The following OPHN1 variants were observed in gnomAD, a reference collection of about 807,000 sequenced individuals.
OPHN1 encodes oligophrenin-1.
A neutral mutation model predicts 60.7 loss-of-function variants in OPHN1; 11 were observed. The observed-to-expected ratio is 0.18, with a 90% CI of 0.11 to 0.30. The LOEUF (loss-of-function observed/expected upper bound fraction) is 0.30, where lower values mean the gene tolerates loss of function less well. Among genes scored for constraint, OPHN1 ranks in the 10% least tolerant of loss-of-function variants. The pLI, the probability that OPHN1 is intolerant of heterozygous loss-of-function variation, is 1.00. For missense variants in OPHN1, 449 were observed against 611.0 expected (o/e 0.73, Z 2.80); for synonymous variants, 226 against 222.6 (o/e 1.02, Z -0.14).
At chrX:68,194,548 A>G (rs1338622123) in intron 12 of OPHN1, 50 bp from the exon 13 acceptor site, 1 of 982,841 alleles carries the variant, frequency 1.0e-6, no homozygotes, top group South Asian at 1.9e-5. Context: ...CAATCAATAT[A>G]GGAAAACAGA....
chrX:68,208,440 G>A (rs1401816849), intron 9 of OPHN1, among the ~76,000 whole-genome samples: 3 of 111,511 alleles, frequency 2.7e-5, no homozygotes, highest in African/African-American at 9.8e-5. Flanking sequence ...TCAAGTTCTA[G>A]TTCAAATATC....
intron 5 of OPHN1, among the ~76,000 whole-genome samples, chrX:68,242,926 G>T (rs2077788496): frequency 9.0e-6 from 1 of 110,926 alleles, no homozygotes; most frequent in South Asian, 3.9e-4. Context: ...GGAGTGCAGT[G>T]GTGCGATCTT....
chrX:68,327,037 A>T (rs767968302), intron 2 of OPHN1, among the ~76,000 whole-genome samples: 5 of 41,237 alleles, frequency 1.2e-4, no homozygotes, highest in Non-Finnish European at 1.4e-4. Context: ...GGTGGGGGGA[A>T]CAGCCCCCGC....
chrX:68,302,328 G>A (rs2078125112), intron 2 of OPHN1, among the ~76,000 whole-genome samples: 1 of 111,931 alleles, frequency 8.9e-6, no homozygotes, highest in Admixed American at 9.5e-5. Context: ...AGTAGCTCAT[G>A]CCTATAATTA....
At chrX:68,264,813 C>T (rs1199036644) in intron 5 of OPHN1, among the ~76,000 whole-genome samples, 1 of 112,181 alleles carries the variant, frequency 8.9e-6, no homozygotes, top group East Asian at 2.8e-4. Flanking sequence ...CCTGGAAAAT[C>T]GGGTCACTCC....
chrX:68,268,801 G>T (rs745815363), intron 5 of OPHN1, among the ~76,000 whole-genome samples: 5 of 111,658 alleles, frequency 4.5e-5, no homozygotes, highest in Admixed American at 3.8e-4. Context: ...AAGTCAAATT[G>T]TCCCTGTTTG....
chrX:68,338,748 T>C (rs2078335967), intron 2 of OPHN1, among the ~76,000 whole-genome samples: 1 of 111,529 alleles, frequency 9.0e-6, no homozygotes, highest in Non-Finnish European at 1.9e-5. Flanking sequence ...AATGACAAAG[T>C]GGAATTTATG....
chrX:68,214,013 C>T (rs1337215955), intron 6 of OPHN1, 41 bp from the exon 7 acceptor site: 1 of 819,139 alleles, frequency 1.2e-6, no homozygotes, highest in African/African-American at 2.0e-5. Context: ...TTGGGATATT[C>T]ATTCATGAAA....
chrX:68,415,287 A>G (rs1401161708), intron 2 of OPHN1, among the ~76,000 whole-genome samples: 1 of 112,335 alleles, frequency 8.9e-6, no homozygotes, highest in African/African-American at 3.2e-5. Flanking sequence ...TATAACTGCC[A>G]TATTTTTTAA....
chrX:68,393,610 T>C (rs1359256173), intron 2 of OPHN1, among the ~76,000 whole-genome samples: 2 of 111,975 alleles, frequency 1.8e-5, no homozygotes, highest in African/African-American at 3.2e-5. Flanking sequence ...GTCAAACATA[T>C]CATCCTTTCC....
At chrX:68,170,192 C>A (rs1301976195) in intron 15 of OPHN1, among the ~76,000 whole-genome samples, 4 of 108,083 alleles carry the variant, frequency 3.7e-5, no homozygotes, top group African/African-American at 1.4e-4. Context: ...TGCTCACCAT[C>A]ACTGGCCATC....
At chrX:68,165,966 C>T (rs143663383) in intron 15 of OPHN1, among the ~76,000 whole-genome samples, 1,388 of 111,944 alleles carry the variant, frequency 0.012, 15 homozygotes, top group Non-Finnish European at 0.021. Context: ...GAAGCCTACT[C>T]GAGGAATTGT....
At chrX:68,267,289 C>A (rs1168061831) in intron 5 of OPHN1, among the ~76,000 whole-genome samples, 2 of 111,553 alleles carry the variant, frequency 1.8e-5, no homozygotes, top group Non-Finnish European at 3.8e-5. Flanking sequence ...TAAAGCACTC[C>A]TCAGCACATG....
At chrX:68,086,262 G>C (rs1228984094) in intron 19 of OPHN1, among the ~76,000 whole-genome samples, 2 of 110,307 alleles carry the variant, frequency 1.8e-5, no homozygotes, top group Non-Finnish European at 3.8e-5. Flanking sequence ...TCAAATACTA[G>C]GTGGCACAGG....
chrX:68,391,730 G>GGGAC lies in OPHN1; in HGVS notation c.154+41133_154+41136dup. ...AGTGTAATTGCAAAGATACTTAAGA[G>GGGAC]GGACGTAGGAGGATCAATGGAGGAG... On this transcript the variant is annotated intron_variant, in intron 2 of 24. Coordinates refer to ENST00000355520, the MANE Select transcript of OPHN1 (RefSeq NM_002547.3). Among the ~76,000 whole-genome samples the GGGAC allele has an allele frequency of 3.6e-5, 4 of 111,627 alleles. 1 individual carries two copies. The Admixed American group carries it at 3.8e-4, about 11-fold the overall frequency.
intron 6 of OPHN1, among the ~76,000 whole-genome samples, chrX:68,221,026 G>A (rs1004282984): frequency 8.6e-5 from 9 of 104,230 alleles, no homozygotes; most frequent in Non-Finnish European, 9.8e-5. Flanking sequence ...TGTATATCTA[G>A]AAAACCCCAC....
intron 3 of OPHN1, among the ~76,000 whole-genome samples, chrX:68,298,600 T>C (rs1257889283): frequency 1.8e-5 from 2 of 111,907 alleles, no homozygotes; most frequent in African/African-American, 6.5e-5. Context: ...CTGTTCCTGA[T>C]AAGTTGTAGA....
intron 5 of OPHN1, among the ~76,000 whole-genome samples, chrX:68,260,423 T>A (rs1464205869): frequency 9.0e-6 from 1 of 110,786 alleles, no homozygotes; most frequent in African/African-American, 3.3e-5. Flanking sequence ...GCATTATTAA[T>A]CTTTTTTTTA....
intron 18 of OPHN1, among the ~76,000 whole-genome samples, chrX:68,101,638 A>T (rs1466900571): frequency 1.8e-5 from 2 of 112,385 alleles, no homozygotes; most frequent in Non-Finnish European, 1.9e-5. Context: ...ATCTCCAACC[A>T]ACACCAAAGG....
Sources: gnomAD v4.1 joint callset for allele counts (sites outside exome capture counted in the v4.1 genomes callset) on GRCh38, gnomAD v4.1.1 for gene constraint, MANE v1.5 for transcripts, NCBI Gene and HGNC (gene_info 2026-07-23, HGNC 2026-07-21) for gene names.